Variants in SH3D21 observed in about 807,000 individuals in gnomAD.
The protein encoded by SH3D21 is manchette microtubule inner protein 1, also known as SH3 domain-containing protein 21.
Under a neutral mutation model 82.1 loss-of-function variants are expected in SH3D21, and 83 were observed. The ratio of observed to expected loss-of-function variants is 1.01; its 90% CI spans 0.85 to 1.21. The LOEUF is 1.21. Among genes scored for constraint, SH3D21 ranks in the 50% most tolerant of loss-of-function variants. The probability of loss-of-function intolerance (pLI) is 0.00; values close to 1 mark genes in which losing one functional copy is unlikely to be tolerated. For missense variants in SH3D21, 980 were observed against 962.1 expected (o/e 1.02, Z -0.25); for synonymous variants, 383 against 387.8 (o/e 0.99, Z 0.15).
chr1:36,315,492 G>A (rs1646326586), intron 10 of SH3D21, among the ~76,000 whole-genome samples: 1 of 152,108 alleles, frequency 6.6e-6, no homozygotes, highest in South Asian at 2.1e-4. Flanking sequence ...TGGGATTACA[G>A]GCACCCAACA....
chr1:36,322,428 G>A (rs1382539537), downstream of SH3D21: 2 of 1,602,962 alleles, frequency 1.2e-6, no homozygotes, highest in Middle Eastern at 1.8e-4. Context: ...CAGCCGCTGC[G>A]CCCGCTCCAG....
At chr1:36,308,708 G>A (rs1318205642) in intron 9 of SH3D21, among the ~76,000 whole-genome samples, 2 of 152,214 alleles carry the variant, frequency 1.3e-5, no homozygotes, top group Non-Finnish European at 2.9e-5. Context: ...TAGCTGCCGG[G>A]TACGGTGGCT....
downstream of SH3D21, chr1:36,322,096 G>A (rs1349066342): frequency 7.3e-6 from 10 of 1,362,292 alleles, no homozygotes; most frequent in African/African-American, 3.1e-5. Flanking sequence ...AGAGGGAGTG[G>A]GGACCCTGCA....
At chr1:36,310,612 CAAA>C (rs1297798016) in intron 10 of SH3D21, among the ~76,000 whole-genome samples, 4 of 120,588 alleles carry the variant, frequency 3.3e-5, no homozygotes, top group Non-Finnish European at 1.8e-5. Flanking sequence ...GACTCTGTCT[CAAA>C]AAAAAAAAAA....
At chr1:36,321,361 G>T, downstream of SH3D21, 1 of 1,399,576 alleles carries the variant, frequency 7.1e-7, no homozygotes, top group South Asian at 1.6e-5. This position sits in a 1 kb window ranked among gnomAD's most constrained non-coding sequence, Gnocchi z 6.1. Context: ...AGGCCTGCGC[G>T]CGGCTATTTT....
In SH3D21 at chr1:36,306,922, G is replaced by T; in HGVS notation, c.226+17G>T. The T allele has an allele frequency of 7.6e-7, 1 of 1,323,950 alleles. No homozygotes were observed. Among genetic ancestry groups the T allele is most frequent in the Non-Finnish European group, 9.8e-7 (1 of 1,019,850 alleles). 82.0% of individuals were successfully genotyped at this position (1,323,950 alleles called of 1,614,324 possible). On this transcript the variant is annotated intron_variant, in intron 3 of 15. Transcript: ENST00000453908. The surrounding 1 kb of genome is among the most constrained non-coding windows in gnomAD (Gnocchi z 4.5). ...GCCGCCGAGGTGAGCGCAAGGGCGG[G>T]GACGGGCGCCGGTGGGCGGGTGCAC... is the stretch of plus-strand genomic sequence containing the variant.
At chr1:36,323,395 G>A (rs1646502309), downstream of SH3D21, 2 of 200,692 alleles carry the variant, frequency 1.0e-5, no homozygotes, top group Non-Finnish European at 2.0e-5. Context: ...GGGAAGGGAA[G>A]CTGCCTCTCT....
rs527807894 is a variant in SH3D21 at position 36,307,631 on chromosome 1, T to C, written c.436+24T>C. 2 of 1,550,036 alleles carry C rather than the reference T, an allele frequency of 1.3e-6. No homozygotes were observed. The highest frequency in any genetic ancestry group is 1.4e-5 in the African/African-American group (1 of 73,104). ...AAGTGAGACCTCGACTCTGTGACCC[T>C]GTGACTCGCAATCTCCAATGACCCT... On this transcript the variant is annotated intron_variant, in intron 5 of 15. Transcript: ENST00000453908. This position sits in a 1 kb window ranked among gnomAD's most constrained non-coding sequence, Gnocchi z 5.4.
chr1:36,309,364 T>G, intron 9 of SH3D21, 184 bp from the exon 10 acceptor site: 1 of 588,602 alleles, frequency 1.7e-6, no homozygotes. Flanking sequence ...ATCCAGCTAA[T>G]TTTTGTATTT....
In SH3D21 at chr1:36,320,423, C is replaced by A. The variant is rs750711534; in HGVS notation, c.1760C>A (p.Thr587Asn). Residue 587 changes from threonine to asparagine, a missense_variant, in exon 14 of 16, where the codon ACC becomes AAC. Transcript: ENST00000453908. ...CCCCACCCCCACGAAGAGGCTACAA[C>A]CCTTCCAGAGGAGGCACCTTCCAAT... ...EKPHPHEEAT[T>N]LPEEAPSNDE... 9 of 1,613,234 alleles carry A rather than the reference C, an allele frequency of 5.6e-6. 1 individual carries two copies. The South Asian group carries it at 9.9e-5, about 18-fold the overall frequency.
intron 10 of SH3D21, among the ~76,000 whole-genome samples, chr1:36,310,583 C>G (rs1477036132): frequency 3.7e-4 from 56 of 151,348 alleles, no homozygotes; most frequent in Admixed American, 3.7e-3. Flanking sequence ...CCACTGTATG[C>G]CAGCGTAGGT....
chr1:36,310,607 T>C (rs1646218988), intron 10 of SH3D21, among the ~76,000 whole-genome samples: 1 of 150,224 alleles, frequency 6.7e-6, no homozygotes, highest in Admixed American at 6.6e-5. Context: ...AGTGAGACTC[T>C]GTCTCAAAAA....
intron 9 of SH3D21, among the ~76,000 whole-genome samples, 195 bp from the exon 10 acceptor site, chr1:36,309,353 C>T (rs1267015401): frequency 1.3e-5 from 2 of 152,156 alleles, no homozygotes; most frequent in Admixed American, 6.5e-5. Flanking sequence ...CATGCCACCA[C>T]ATCCAGCTAA....
At chr1:36,319,227 C>T (rs1170751906) in intron 11 of SH3D21, 33 bp from the exon 12 acceptor site, 2 of 1,551,396 alleles carry the variant, frequency 1.3e-6, no homozygotes, top group African/African-American at 1.4e-5. Flanking sequence ...TCCCTGTGCC[C>T]CACCCTGAGG....
chr1:36,321,020 GC>G lies in SH3D21; in HGVS notation c.2200-31del. 1.3e-6 allele frequency: 2 copies of G among 1,592,274 alleles called. No individual in the cohort carries two copies. Among genetic ancestry groups the G allele is most frequent in the Admixed American group, 1.8e-5 (1 of 57,000 alleles). On this transcript the variant is annotated intron_variant, in intron 15 of 15. Coordinates refer to ENST00000453908, the MANE Select transcript of SH3D21 (RefSeq NM_001162530.2). This position sits in a 1 kb window ranked among gnomAD's most constrained non-coding sequence, Gnocchi z 6.1. The stretch of plus-strand genomic sequence containing the variant: ...GGCGGGAGGGGGCTGACGGCGAGTG[GC>G]CCCCTGACAAAGTCTCCACCTCACT...
chr1:36,324,667 G>A (rs1402899043), downstream of SH3D21: 1 of 152,232 alleles, frequency 6.6e-6, no homozygotes, highest in Non-Finnish European at 1.5e-5. Context: ...CTGGGTTCAA[G>A]TAGAGGGCAG....
downstream of SH3D21, chr1:36,322,547 C>CTCGTCCTCGTCG: frequency 1.3e-6 from 2 of 1,597,652 alleles, no homozygotes; most frequent in Non-Finnish European, 1.7e-6. Flanking sequence ...CCGTGTCCTC[C>CTCGTCCTCGTCG]TCGTCCTCGT....
At chr1:36,314,264 C>T (rs1160338802) in intron 10 of SH3D21, among the ~76,000 whole-genome samples, 21 of 151,372 alleles carry the variant, frequency 1.4e-4, no homozygotes, top group African/African-American at 4.4e-4. Context: ...CGTGAGCCAC[C>T]GCGCCCGGCC....
intron 10 of SH3D21, among the ~76,000 whole-genome samples, chr1:36,312,821 C>G (rs1397518604): frequency 6.6e-6 from 1 of 152,188 alleles, no homozygotes; most frequent in Admixed American, 6.5e-5. Flanking sequence ...AGCAATTCTC[C>G]TGCTGCAGCC....
Sources: gnomAD v4.1 joint callset for allele counts (sites outside exome capture counted in the v4.1 genomes callset) on GRCh38, gnomAD v4.1.1 for gene constraint, Gnocchi (gnomAD v3.1) non-coding constraint, MANE v1.5 for transcripts, NCBI Gene and HGNC (gene_info 2026-07-23, HGNC 2026-07-21) for gene names.